GTF2H3: variants seen among roughly 807,000 people sequenced by gnomAD.
GTF2H3 encodes general transcription factor IIH subunit 3.
In GTF2H3, 42 loss-of-function variants were observed where a neutral mutation model predicts 51.1. That is an observed-to-expected ratio of 0.82 (90% confidence interval 0.64 to 1.06). The LOEUF is 1.06. Among genes scored for constraint, GTF2H3 ranks in the 50% least tolerant of loss-of-function variants. GTF2H3 has a pLI of 0.00. For missense variants in GTF2H3, 326 were observed against 366.1 expected (o/e 0.89, Z 0.89); for synonymous variants, 123 against 123.8 (o/e 0.99, Z 0.04).
At chr12:123,645,793 T>G (rs1357465515) in intron 3 of GTF2H3, among the ~76,000 whole-genome samples, 1 of 152,250 alleles carries the variant, frequency 6.6e-6, no homozygotes, top group Non-Finnish European at 1.5e-5. Flanking sequence ...TTTGCACAGA[T>G]TGAACTATAT....
chr12:123,641,354 T>C (rs1034775129), intron 2 of GTF2H3, among the ~76,000 whole-genome samples: 1 of 151,798 alleles, frequency 6.6e-6, no homozygotes, highest in African/African-American at 2.4e-5. Context: ...GTCTCCCAAG[T>C]AGCTGGGACC....
Position 123,660,153 on chromosome 12 carries a change from T to C in GTF2H3, c.858-13T>C. 6.2e-7 allele frequency: 1 copy of C among 1,608,874 alleles called. No individual in the cohort carries two copies. The highest frequency in any genetic ancestry group is 8.5e-7 in the Non-Finnish European group (1 of 1,178,162). ...TAGAACATTAAAAAATGTTTTCCTC[T>C]CTGTAATTTCAGGACAGCCTTTAAA... On this transcript the variant is annotated splice_polypyrimidine_tract_variant and intron_variant, in intron 12 of 12. Transcript: ENST00000543341.
At position 123,648,139 on chromosome 12, in the gene GTF2H3, A is replaced by C; in HGVS notation, c.364+13A>C. The C allele has an allele frequency of 6.4e-7, 1 of 1,558,622 alleles. No homozygotes were observed. The highest frequency in any genetic ancestry group is 2.3e-5 in the East Asian group (1 of 44,264). On this transcript the variant is annotated intron_variant, in intron 4 of 12. Transcript: ENST00000543341. ...CTAATGACCAAAAGTAACAACTTTT[A>C]AACATTGTTATTTTGCAAATAGTGT...
intron 3 of GTF2H3, 34 bp downstream of exon 3, chr12:123,645,595 G>T (rs780018165): frequency 2.8e-6 from 3 of 1,080,948 alleles, no homozygotes; most frequent in Non-Finnish European, 4.3e-6. Flanking sequence ...GCTCTTCAGT[G>T]CTTAATATTC....
chr12:123,642,550 G>T (rs923800361), intron 2 of GTF2H3, among the ~76,000 whole-genome samples: 9 of 152,252 alleles, frequency 5.9e-5, no homozygotes, highest in African/African-American at 2.2e-4. Context: ...CATATCTTTT[G>T]GGGGGACATA....
intron 1 of GTF2H3, among the ~76,000 whole-genome samples, chr12:123,635,874 T>C (rs1955276245): frequency 6.6e-6 from 1 of 152,106 alleles, no homozygotes; most frequent in South Asian, 2.1e-4. Flanking sequence ...GAGCTGTGGG[T>C]TGTCAGAGGT....
chr12:123,646,862 A>G (rs1320364453), intron 3 of GTF2H3, among the ~76,000 whole-genome samples: 2 of 150,896 alleles, frequency 1.3e-5, no homozygotes, highest in African/African-American at 4.9e-5. Context: ...TAAAAGTCAC[A>G]AGGCCATGGC....
At chr12:123,634,301 G>A (rs1955239776) in intron 1 of GTF2H3, among the ~76,000 whole-genome samples, 1 of 152,124 alleles carries the variant, frequency 6.6e-6, no homozygotes, top group Non-Finnish European at 1.5e-5. Flanking sequence ...TATTAGCCGG[G>A]CGTGGTAGCG....
At chr12:123,647,741 G>A (rs1168705996) in intron 3 of GTF2H3, among the ~76,000 whole-genome samples, 1 of 152,156 alleles carries the variant, frequency 6.6e-6, no homozygotes, top group East Asian at 1.9e-4. Context: ...ATAGACAAAT[G>A]TTGGCCAGTT....
chr12:123,647,942 T>A (rs774869120), intron 3 of GTF2H3, 21 bp from the exon 4 acceptor site: 1 of 1,603,978 alleles, frequency 6.2e-7, no homozygotes, highest in South Asian at 1.1e-5. Context: ...TGTAACCAGG[T>A]TTTTTCCCCT....
chr12:123,654,563 AT>A (rs1478072810), intron 7 of GTF2H3, among the ~76,000 whole-genome samples: 1 of 144,354 alleles, frequency 6.9e-6, no homozygotes, highest in Non-Finnish European at 1.5e-5. Context: ...GTGTGTGTGT[AT>A]TTTGGGGGTG....
rs1472364037 is a variant in GTF2H3, at chr12:123,654,946, G to A, written c.509G>A (p.Ser170Asn). The stretch of plus-strand genomic sequence containing the variant: ...TAGGTGATTAAGGCTGCAGAAGACA[G>A]TGCGTTGCAGTATATGAACTTCATG... Reference protein sequence around the residue: ...RILVIKAAEDSALQYMNFMNV... With the variant: ...RILVIKAAEDNALQYMNFMNV... The change falls in exon 8 of 13, where the codon AGT (serine) becomes AAT (asparagine). Residue 170 changes from serine to asparagine, a missense_variant. Coordinates refer to ENST00000543341, the MANE Select transcript of GTF2H3 (RefSeq NM_001516.5). The A allele has an allele frequency of 6.2e-7, 1 of 1,613,176 alleles. No homozygotes were observed.
chr12:123,637,772 G>C (rs1955306044), intron 1 of GTF2H3, among the ~76,000 whole-genome samples: 1 of 138,116 alleles, frequency 7.2e-6, no homozygotes, highest in African/African-American at 3.1e-5. Flanking sequence ...CAAAGGGCTG[G>C]GATGGGCGCC....
At chr12:123,657,718 T>C (rs1365262224) in intron 9 of GTF2H3, among the ~76,000 whole-genome samples, 5 of 152,252 alleles carry the variant, frequency 3.3e-5, no homozygotes, top group Non-Finnish European at 5.9e-5. Flanking sequence ...GACACTGTGA[T>C]GTTTACTGCT....
In GTF2H3 at chr12:123,659,503, C is replaced by G; in HGVS notation, c.616-13C>G. Reference sequence around the variant, plus strand: ...AAGTGCGAGTTTGGCAGCAAGCCGCCTGTGTCTTGCAGGCTTGTGACATCA... The same window carrying G: ...AAGTGCGAGTTTGGCAGCAAGCCGCGTGTGTCTTGCAGGCTTGTGACATCA... On this transcript the variant is annotated splice_polypyrimidine_tract_variant and intron_variant, in intron 9 of 12. Transcript: ENST00000543341. 6.2e-7 allele frequency: 1 copy of G among 1,613,940 alleles called. No homozygotes were observed. Among genetic ancestry groups the G allele is most frequent in the Non-Finnish European group, 8.5e-7 (1 of 1,179,788 alleles).
intron 7 of GTF2H3, among the ~76,000 whole-genome samples, chr12:123,653,513 G>A (rs73416265): frequency 0.019 from 2,863 of 152,058 alleles, 34 homozygotes; most frequent in South Asian, 0.032. Context: ...TACAAAAAAT[G>A]TCGTGGGCGC....
At chr12:123,643,078 A>G (rs930819888) in intron 2 of GTF2H3, among the ~76,000 whole-genome samples, 1 of 152,124 alleles carries the variant, frequency 6.6e-6, no homozygotes, top group Non-Finnish European at 1.5e-5. Context: ...GGGTTTCACC[A>G]TGTTGCCCAG....
At chr12:123,647,637 C>A (rs995934108) in intron 3 of GTF2H3, among the ~76,000 whole-genome samples, 1 of 152,090 alleles carries the variant, frequency 6.6e-6, no homozygotes, top group Admixed American at 6.6e-5. Flanking sequence ...GCACGGGCAC[C>A]CCTCTGCAGC....
At chr12:123,651,914 A>C (rs1014061393) in intron 5 of GTF2H3, among the ~76,000 whole-genome samples, 4 of 151,938 alleles carry the variant, frequency 2.6e-5, no homozygotes, top group African/African-American at 9.7e-5. Context: ...TTCTGCCTTC[A>C]GGAAACACTG....
Sources: allele counts gnomAD v4.1 joint callset (sites outside exome capture counted in the v4.1 genomes callset), GRCh38; gene constraint gnomAD v4.1.1; transcripts MANE v1.5; gene names NCBI Gene and HGNC (gene_info 2026-07-23, HGNC 2026-07-21).